CCDC91: variants seen among roughly 807,000 people sequenced by gnomAD.
CCDC91 encodes the protein coiled-coil domain containing 91.
CCDC91 carries 48 observed loss-of-function variants against 63.2 expected under a neutral mutation model. The ratio of observed to expected loss-of-function variants is 0.76; its 90% CI spans 0.60 to 0.97. The LOEUF (loss-of-function observed/expected upper bound fraction) is 0.97. Ranked by LOEUF, CCDC91 falls within the 50% of genes least tolerant of loss-of-function variation. The pLI is 0.00. For synonymous variants in CCDC91, 167 were observed against 165.8 expected, an observed-to-expected ratio of 1.01 and a Z score of -0.06; for missense variants, 500 against 494.6, an observed-to-expected ratio of 1.01 and a Z score of -0.10.
chr12:28,357,716 A>C (rs1333969852), intron 6 of CCDC91, among the ~76,000 whole-genome samples: 3 of 152,118 alleles, frequency 2.0e-5, no homozygotes, highest in Admixed American at 2.0e-4. Context: ...GACCTTGAAC[A>C]CATTTTTTGA....
chr12:28,483,962 C>T (rs1193065729), intron 11 of CCDC91, 90 bp from the exon 12 acceptor site: 8 of 662,538 alleles, frequency 1.2e-5, no homozygotes, highest in East Asian at 8.5e-5. Context: ...AGCTGAAACC[C>T]GCTGAAGAGG....
chr12:28,490,370 C>T (rs559331885), intron 12 of CCDC91, among the ~76,000 whole-genome samples: 17 of 151,940 alleles, frequency 1.1e-4, no homozygotes, highest in East Asian at 7.7e-4. Context: ...TGCCTGTTTT[C>T]GGTTGTACCT....
chr12:28,202,812 T>G (rs1942565055), intron 1 of CCDC91, among the ~76,000 whole-genome samples: 1 of 152,246 alleles, frequency 6.6e-6, no homozygotes, highest in Non-Finnish European at 1.5e-5. Flanking sequence ...CTATTGACAT[T>G]TCATTACCTA....
At chr12:28,445,472 C>G (rs1243846939) in intron 8 of CCDC91, among the ~76,000 whole-genome samples, 1 of 152,152 alleles carries the variant, frequency 6.6e-6, no homozygotes, top group Non-Finnish European at 1.5e-5. Flanking sequence ...GTAATCTTAG[C>G]TTATTGAGGT....
chr12:28,429,605 A>T (rs1948519395), intron 8 of CCDC91, among the ~76,000 whole-genome samples: 1 of 152,156 alleles, frequency 6.6e-6, no homozygotes, highest in African/African-American at 2.4e-5. Flanking sequence ...TTCACAAAAG[A>T]ATTGACATTT....
chr12:28,390,377 G>C (rs1000275577), intron 7 of CCDC91, among the ~76,000 whole-genome samples: 3 of 151,308 alleles, frequency 2.0e-5, no homozygotes. Flanking sequence ...TTTTGGTTAT[G>C]AGTAGTTTAA....
At chr12:28,289,867 AT>A (rs1167267550) in intron 3 of CCDC91, among the ~76,000 whole-genome samples, 5 of 150,538 alleles carry the variant, frequency 3.3e-5, no homozygotes, top group South Asian at 4.2e-4. Flanking sequence ...AATTTTTTGT[AT>A]TTTTTATTAG....
At chr12:28,514,485 A>G (rs1939719374) in intron 12 of CCDC91, among the ~76,000 whole-genome samples, 1 of 147,824 alleles carries the variant, frequency 6.8e-6, no homozygotes, top group African/African-American at 2.5e-5. Context: ...GTTTTGTTTT[A>G]GTTTAATTTA....
chr12:28,389,130 G>A (rs1945785854), intron 7 of CCDC91, among the ~76,000 whole-genome samples: 1 of 152,088 alleles, frequency 6.6e-6, no homozygotes, highest in Admixed American at 6.6e-5. Context: ...GAATCGACAA[G>A]GAACAGCTAT....
At chr12:28,311,176 C>G (rs1371133232) in intron 6 of CCDC91, among the ~76,000 whole-genome samples, 1 of 151,990 alleles carries the variant, frequency 6.6e-6, no homozygotes, top group Non-Finnish European at 1.5e-5. Context: ...TACTGCCTTA[C>G]TCCTGAGATA....
At chr12:28,367,123 C>T (rs920995224) in intron 7 of CCDC91, among the ~76,000 whole-genome samples, 6 of 152,120 alleles carry the variant, frequency 3.9e-5, no homozygotes, top group Admixed American at 1.3e-4. Context: ...CCAAAAAGGA[C>T]AACAGATGCT....
At position 28,390,725 on chromosome 12, in the gene CCDC91, T is replaced by G. The variant is rs186269107; in HGVS notation, c.655-579T>G. 2.6e-5 allele frequency among the ~76,000 whole-genome samples: 4 copies of G among 152,222 alleles called. No homozygotes were observed. The East Asian group carries it at 7.7e-4, about 29-fold the overall frequency. On this transcript the variant is annotated intron_variant, in intron 7 of 12. Coordinates refer to ENST00000536442, the MANE Select transcript of CCDC91 (RefSeq NM_018318.5). ...CCTTGAGACTCTTGACTTACCTACT[T>G]TGACTTATACCTTTTCACATTAGGA...
At chr12:28,439,986 C>CT (rs1357360379) in intron 8 of CCDC91, among the ~76,000 whole-genome samples, 2 of 150,512 alleles carry the variant, frequency 1.3e-5, no homozygotes, top group Non-Finnish European at 3.0e-5. Flanking sequence ...AAAAAAAAGT[C>CT]TACTAAAATT....
Position 28,306,761 on chromosome 12 carries a change from C to T in CCDC91, c.287C>T (p.Thr96Ile), listed in dbSNP as rs1331277514. The change falls in exon 5 of 13, where the codon ACT becomes ATT. Residue 96 changes from threonine (T) to isoleucine (I), a missense_variant. Physicochemically the swap from Thr to Ile is moderately conservative, Grantham distance 89. Coordinates refer to ENST00000536442, the MANE Select transcript of CCDC91 (RefSeq NM_018318.5). ...GTTTAGATTCAGCAATCAACACACA[C>T]TCATCTGGATATCTCACTTTTTCCA... Reference protein sequence around the residue: ...PKAQIQQSTHTHLDISLFPLG... With the variant: ...PKAQIQQSTHIHLDISLFPLG... 7.5e-6 allele frequency: 12 copies of T among 1,609,266 alleles called. No homozygotes were observed. Among genetic ancestry groups the T allele is most frequent in the African/African-American group, 1.3e-5 (1 of 74,630 alleles).
At position 28,294,326 on chromosome 12, in the gene CCDC91, T is replaced by C. The variant is rs117480220; in HGVS notation, c.110-11323T>C. On this transcript the variant is annotated intron_variant, in intron 3 of 12. Coordinates refer to ENST00000536442, the MANE Select transcript of CCDC91 (RefSeq NM_018318.5). ...GTCCCCATCCAAATCTCATCTCGAA[T>C]TGTAATCCCCCCATGTCAAGGGAGG... 2.5e-3 allele frequency among the ~76,000 whole-genome samples: 377 copies of C among 152,216 alleles called. 1 individual carries two copies. Among genetic ancestry groups the C allele is most frequent in the Non-Finnish European group, 4.7e-3 (317 of 67,996 alleles).
At chr12:28,452,019 C>T (rs1333836253) in intron 10 of CCDC91, among the ~76,000 whole-genome samples, 2 of 147,380 alleles carry the variant, frequency 1.4e-5, no homozygotes, top group African/African-American at 5.1e-5. Context: ...GTAGCATTTT[C>T]CTTTTTTAAT....
At chr12:28,535,755 G>C (rs1942101045) in intron 12 of CCDC91, among the ~76,000 whole-genome samples, 1 of 152,110 alleles carries the variant, frequency 6.6e-6, no homozygotes, top group Non-Finnish European at 1.5e-5. Flanking sequence ...AACGGGCCTG[G>C]TGCGGTATCA....
intron 3 of CCDC91, among the ~76,000 whole-genome samples, chr12:28,274,518 A>G (rs913401629): frequency 2.6e-5 from 4 of 152,054 alleles, no homozygotes; most frequent in Non-Finnish European, 4.4e-5. Context: ...TTATTTCATT[A>G]AGCAGTGGTT....
At chr12:28,502,992 C>G (rs991711897) in intron 12 of CCDC91, among the ~76,000 whole-genome samples, 12 of 151,846 alleles carry the variant, frequency 7.9e-5, no homozygotes, top group Non-Finnish European at 1.5e-4. Context: ...AGAAGAAAAC[C>G]TAGGCAATAC....
Sources: allele counts gnomAD v4.1 joint callset (sites outside exome capture counted in the v4.1 genomes callset), GRCh38; gene constraint gnomAD v4.1.1; transcripts MANE v1.5; gene names NCBI Gene and HGNC (gene_info 2026-07-23, HGNC 2026-07-21).